The following TBC1D1 variants were observed in gnomAD, a reference collection of about 807,000 sequenced individuals.
TBC1D1 encodes the protein TBC1 domain family member 1.
In TBC1D1, 89 loss-of-function variants were observed where a neutral mutation model predicts 125.6. The observed-to-expected ratio is 0.71, with a 90% confidence interval of 0.60 to 0.85. TBC1D1 has a LOEUF of 0.85. Ranked by LOEUF, TBC1D1 falls within the 40% of genes least tolerant of loss-of-function variation. The pLI, the probability that TBC1D1 is intolerant of heterozygous loss-of-function variation, is 0.00. For missense variants in TBC1D1, 1,377 were observed against 1,469.2 expected (o/e 0.94, Z 1.03); for synonymous variants, 565 against 564.1 (o/e 1.00, Z -0.02).
At chr4:38,079,228 A>T (rs570989248) in intron 12 of TBC1D1, among the ~76,000 whole-genome samples, 34 of 152,242 alleles carry the variant, frequency 2.2e-4, no homozygotes, top group Non-Finnish European at 4.1e-4. Flanking sequence ...TAGGTGAGTC[A>T]TCAGTCTGTC....
chr4:37,998,332 A>G (rs1738270069), intron 2 of TBC1D1, among the ~76,000 whole-genome samples: 1 of 152,190 alleles, frequency 6.6e-6, no homozygotes, highest in Non-Finnish European at 1.5e-5. Context: ...TCTGCCTGTC[A>G]TCCTTCCTCT....
At chr4:38,104,685 T>C (rs1029168333) in intron 15 of TBC1D1, among the ~76,000 whole-genome samples, 2 of 152,134 alleles carry the variant, frequency 1.3e-5, no homozygotes, top group Non-Finnish European at 1.5e-5. Flanking sequence ...TCAGGCAGTA[T>C]GAAGTCCTTT....
At chr4:38,028,455 C>T (rs1195261601) in intron 7 of TBC1D1, among the ~76,000 whole-genome samples, 1 of 152,206 alleles carries the variant, frequency 6.6e-6, no homozygotes, top group Non-Finnish European at 1.5e-5. Context: ...TGAGCCACCA[C>T]GCCCAGCCCA....
At chr4:38,076,758 A>G (rs541688715) in intron 12 of TBC1D1, among the ~76,000 whole-genome samples, 42 of 152,242 alleles carry the variant, frequency 2.8e-4, no homozygotes, top group African/African-American at 9.6e-4. Context: ...ATTAGTGTTT[A>G]CAGTTTCTCT....
At chr4:38,020,727 A>T in intron 5 of TBC1D1, 32 bp downstream of exon 5, 1 of 1,587,526 alleles carries the variant, frequency 6.3e-7, no homozygotes, top group Non-Finnish European at 8.6e-7. Flanking sequence ...TTACCTTGGA[A>T]CCTTCTTTAC....
At chr4:38,008,686 T>C (rs978459418) in intron 2 of TBC1D1, among the ~76,000 whole-genome samples, 2 of 152,338 alleles carry the variant, frequency 1.3e-5, no homozygotes, top group East Asian at 3.9e-4. Context: ...CTTGGCAAGA[T>C]GTAACACATT....
chr4:37,908,049 T>C (rs1376182045), intron 2 of TBC1D1, among the ~76,000 whole-genome samples: 1 of 152,170 alleles, frequency 6.6e-6, no homozygotes, highest in Non-Finnish European at 1.5e-5. Flanking sequence ...GGTGCTGTTT[T>C]ACATCAGTCA....
At chr4:37,994,022 A>G (rs1299377368) in intron 2 of TBC1D1, among the ~76,000 whole-genome samples, 1 of 152,222 alleles carries the variant, frequency 6.6e-6, no homozygotes, top group East Asian at 1.9e-4. Context: ...AAATGAAGTC[A>G]GCACTTCCCA....
chr4:38,062,605 G>GCCCCCTA (rs1752964125), intron 12 of TBC1D1, among the ~76,000 whole-genome samples: 1 of 146,076 alleles, frequency 6.8e-6, no homozygotes, highest in African/African-American at 2.5e-5. Flanking sequence ...CTCCCCATCC[G>GCCCCCTA]CCCCCTACCC....
At chr4:38,021,974 A>G (rs1234212766) in intron 6 of TBC1D1, among the ~76,000 whole-genome samples, 3 of 152,182 alleles carry the variant, frequency 2.0e-5, no homozygotes, top group African/African-American at 7.2e-5. Flanking sequence ...ATGGAGGAGG[A>G]GTTAGGGAAA....
At chr4:38,120,210 C>T (rs771203792) in intron 17 of TBC1D1, 4 of 722,534 alleles carry the variant, frequency 5.5e-6, no homozygotes, top group Non-Finnish European at 6.8e-6. Flanking sequence ...CTGGATCCCA[C>T]AGACTCCTGC....
chr4:38,088,089 G>A (rs1757843043), intron 12 of TBC1D1, among the ~76,000 whole-genome samples: 1 of 151,806 alleles, frequency 6.6e-6, no homozygotes, highest in Admixed American at 6.6e-5. Flanking sequence ...CCAATGTGAG[G>A]TAAAGCAGAA....
intron 2 of TBC1D1, among the ~76,000 whole-genome samples, chr4:37,999,409 A>G (rs959704092): frequency 2.0e-5 from 3 of 152,234 alleles, no homozygotes; most frequent in African/African-American, 7.2e-5. Context: ...TGAATTTTAC[A>G]CTTTTAGAGA....
Position 38,014,798 on chromosome 4 carries a change from T to C in TBC1D1, c.707T>C (p.Phe236Ser). 6.3e-7 allele frequency: 1 copy of C among 1,599,196 alleles called. No homozygotes were observed. Among genetic ancestry groups the C allele is most frequent in the Non-Finnish European group, 8.5e-7 (1 of 1,171,344 alleles). ...GTGCGCAGGCCCATGCGCAAGTCCTTCTCCCAGCCCGGCCTGCGCTCGCTG... is the reference window on the plus strand; with the variant it reads ...GTGCGCAGGCCCATGCGCAAGTCCTCCTCCCAGCCCGGCCTGCGCTCGCTG... The change falls in exon 3 of 20, where the codon TTC (phenylalanine) becomes TCC (serine). Residue 236 changes from phenylalanine to serine, a missense_variant. Around this residue, in one of 3 missense-constraint regions of TBC1D1, gnomAD observed 822 missense variants for 824.6 expected, o/e 1.00. Transcript: ENST00000261439. This position sits in a 1 kb window ranked among gnomAD's most constrained non-coding sequence, Gnocchi z 5.1.
At chr4:38,135,872 A>ATATGTGTG (rs1553861668) in intron 19 of TBC1D1, among the ~76,000 whole-genome samples, 18 of 129,318 alleles carry the variant, frequency 1.4e-4, no homozygotes, top group African/African-American at 4.4e-4. Flanking sequence ...GTGTATATAT[A>ATATGTGTG]TGTGTGTGTG....
intron 12 of TBC1D1, chr4:38,054,839 CCTT>C (rs779658929): frequency 2.6e-5 from 4 of 155,646 alleles, no homozygotes; most frequent in South Asian, 2.0e-4. Context: ...GTCTTGCGTT[CCTT>C]CTTCTCTGAT....
chr4:38,042,518 G>A (rs1381098027), intron 8 of TBC1D1, among the ~76,000 whole-genome samples: 3 of 152,080 alleles, frequency 2.0e-5, no homozygotes, highest in Non-Finnish European at 4.4e-5. Context: ...GCCTCCCAAA[G>A]TTCTGGGATT....
chr4:38,056,014 G>C (rs1751641612), intron 12 of TBC1D1, among the ~76,000 whole-genome samples: 3 of 152,210 alleles, frequency 2.0e-5, no homozygotes, highest in Non-Finnish European at 4.4e-5. Flanking sequence ...GAAATGCTTT[G>C]TGCAGTGGCC....
chr4:38,021,671 A>G lies in TBC1D1; in HGVS notation c.1163A>G (p.Glu388Gly), dbSNP rs766561327. Reference sequence around the variant, plus strand: ...GCTAAGGCGCCAGCCCAGCTGTGTGAGGGCTGCCCCCTGCAAAGCCTGCAC... The same window carrying G: ...GCTAAGGCGCCAGCCCAGCTGTGTGGGGGCTGCCCCCTGCAAAGCCTGCAC... Residue 388 changes from glutamate (E) to glycine (G), a missense_variant, in exon 6 of 20, where the codon GAG becomes GGG. Around this residue, in one of 3 missense-constraint regions of TBC1D1, gnomAD observed 822 missense variants for 824.6 expected, o/e 1.00. Transcript: ENST00000261439. 6.3e-7 allele frequency: 1 copy of G among 1,597,400 alleles called. No individual in the cohort carries two copies. The highest frequency in any genetic ancestry group is 8.5e-7 in the Non-Finnish European group (1 of 1,172,228).
Sources: allele counts gnomAD v4.1 joint callset (sites outside exome capture counted in the v4.1 genomes callset), GRCh38; gene constraint gnomAD v4.1.1; regional missense constraint gnomAD v4.1.1; non-coding constraint Gnocchi (gnomAD v3.1); transcripts MANE v1.5; gene names NCBI Gene and HGNC (gene_info 2026-07-23, HGNC 2026-07-21).